RNF43: variants seen among roughly 807,000 people sequenced by gnomAD.
The protein encoded by RNF43 is E3 ubiquitin-protein ligase RNF43.
RNF43 carries 37 observed loss-of-function variants against 78.4 expected under a neutral mutation model. The ratio of observed to expected loss-of-function variants is 0.47; its 90% confidence interval spans 0.36 to 0.62. RNF43 has a LOEUF of 0.62. RNF43 is among the 20% of genes least tolerant of loss of function. The pLI is 0.00. For missense variants in RNF43, 774 were observed against 1,007.9 expected (o/e 0.77, Z 3.14); for synonymous variants, 347 against 395.0 (o/e 0.88, Z 1.44).
At chr17:58,363,679 A>G (rs1972891129) in intron 3 of RNF43, 79 bp from the exon 4 acceptor site, 2 of 1,188,894 alleles carry the variant, frequency 1.7e-6, no homozygotes, top group Non-Finnish European at 2.4e-6. Flanking sequence ...CACCCCTCAC[A>G]CATCTATCCC....
chr17:58,386,737 A>T (rs1973445888), intron 2 of RNF43, among the ~76,000 whole-genome samples: 1 of 152,212 alleles, frequency 6.6e-6, no homozygotes, highest in Non-Finnish European at 1.5e-5. Flanking sequence ...TTCCATGAAG[A>T]ATCTCTTCTT....
At chr17:58,381,953 T>C (rs1365466743) in intron 2 of RNF43, among the ~76,000 whole-genome samples, 2 of 152,176 alleles carry the variant, frequency 1.3e-5, no homozygotes, top group East Asian at 3.8e-4. Context: ...ATCCAAAGAC[T>C]GTGAGAACTC....
chr17:58,415,830 C>T lies in RNF43; in HGVS notation c.-253G>A. The T allele has an allele frequency of 1.8e-6, 1 of 549,234 alleles. No individual in the cohort carries two copies. The highest frequency in any genetic ancestry group is 3.3e-6 in the Non-Finnish European group (1 of 306,072). 34.0% of individuals were successfully genotyped at this position (549,234 alleles called of 1,614,324 possible). ...GGTATGTCATTTTCTCCCATCTTCACTGTGACTAGTAAAGATCTCACCACT... is the reference window on the plus strand; with the variant it reads ...GGTATGTCATTTTCTCCCATCTTCATTGTGACTAGTAAAGATCTCACCACT... On this transcript the variant is annotated 5_prime_UTR_variant, in exon 2 of 10. It adds an upstream start codon to the 5' untranslated region. Coordinates refer to ENST00000407977, the MANE Select transcript of RNF43 (RefSeq NM_017763.6).
chr17:58,384,972 T>G (rs1973400980), intron 2 of RNF43, among the ~76,000 whole-genome samples: 1 of 152,210 alleles, frequency 6.6e-6, no homozygotes. Flanking sequence ...TGTCAGTTGT[T>G]TCCTAAGAAA....
intron 2 of RNF43, among the ~76,000 whole-genome samples, chr17:58,383,682 A>C (rs1363010361): frequency 2.0e-5 from 3 of 151,748 alleles, no homozygotes; most frequent in Non-Finnish European, 2.9e-5. Flanking sequence ...CAATGGCGTG[A>C]TCTCGGCTCA....
At chr17:58,408,887 G>A (rs1176178037) in intron 2 of RNF43, among the ~76,000 whole-genome samples, 1 of 152,116 alleles carries the variant, frequency 6.6e-6, no homozygotes, top group South Asian at 2.1e-4. Flanking sequence ...CAGGGATACA[G>A]CTTTGAACAA....
Position 58,358,290 on chromosome 17 carries a change from T to C in RNF43, c.1486A>G (p.Thr496Ala), listed in dbSNP as rs990151863. 8 of 1,614,068 alleles carry C rather than the reference T, an allele frequency of 5.0e-6. No individual in the cohort carries two copies. The highest frequency in any genetic ancestry group is 3.3e-5 in the South Asian group (3 of 91,076). The change falls in exon 9 of 10, where the codon ACT (threonine) becomes GCT (alanine). Residue 496 changes from threonine (T) to alanine (A), a missense_variant. Physicochemically the swap from Thr to Ala is moderately conservative, Grantham distance 58. Transcript: ENST00000407977. This position sits in a 1 kb window ranked among gnomAD's most constrained non-coding sequence, Gnocchi z 6.2. ...TCACTGCTTAGGGAGCTGCAGAAAG[T>C]AGAACTGCTGCCATGGACCCCCTGT... ...SLQGVHGSSS[T>A]FCSSLSSDFD... is the part of the protein sequence containing the mutation.
At chr17:58,388,256 C>G (rs1169286074) in intron 2 of RNF43, among the ~76,000 whole-genome samples, 1 of 152,180 alleles carries the variant, frequency 6.6e-6, no homozygotes, top group Non-Finnish European at 1.5e-5. Context: ...CTTTCCTAGC[C>G]AAATACCTAA....
chr17:58,406,910 A>G (rs1050276268), intron 2 of RNF43, among the ~76,000 whole-genome samples: 1 of 151,940 alleles, frequency 6.6e-6, no homozygotes, highest in Non-Finnish European at 1.5e-5. Context: ...AGCACGCACA[A>G]AAGTGATAGG....
chr17:58,392,469 A>G lies in RNF43; in HGVS notation c.253-21436T>C, dbSNP rs562884054. Among the ~76,000 whole-genome samples the G allele has an allele frequency of 1.5e-3, 231 of 152,354 alleles. 2 individuals carry two copies. The highest frequency in any genetic ancestry group is 2.4e-3 in the Non-Finnish European group (160 of 68,028). ...AAGTACCTATTGACCTCTGGAATAC[A>G]TATGGAAGGGAAATAAATGGCAGTC... is the stretch of plus-strand genomic sequence containing the variant. On this transcript the variant is annotated intron_variant, in intron 2 of 9. Transcript: ENST00000407977.
chr17:58,358,456 G>A lies in RNF43; in HGVS notation c.1320C>T (p.Pro440=), dbSNP rs751415799. ...TTTCTCCAGATCCACTGCTGTCAGG[G>A]GGCCTGGCCCGGCGTAGGGGCACTG... ...ACPVPLRRAR[P]PDSSGSGESY... is the part of the protein sequence containing the mutation. The change falls in exon 9 of 10, where the codon CCC becomes CCT. Residue 440 remains proline, a synonymous_variant. Coordinates refer to ENST00000407977, the MANE Select transcript of RNF43 (RefSeq NM_017763.6). This position sits in a 1 kb window ranked among gnomAD's most constrained non-coding sequence, Gnocchi z 6.2. 4.3e-6 allele frequency: 7 copies of A among 1,613,878 alleles called. No individual in the cohort carries two copies. The highest frequency in any genetic ancestry group is 5.9e-6 in the Non-Finnish European group (7 of 1,179,978).
chr17:58,372,999 G>T (rs1277960785), intron 2 of RNF43, among the ~76,000 whole-genome samples: 1 of 152,220 alleles, frequency 6.6e-6, no homozygotes, highest in Admixed American at 6.5e-5. Flanking sequence ...CCACAGATTT[G>T]CACTGGAGAC....
chr17:58,409,255 C>T (rs933227561), intron 2 of RNF43, among the ~76,000 whole-genome samples: 2 of 152,252 alleles, frequency 1.3e-5, no homozygotes, highest in African/African-American at 4.8e-5. Context: ...CCTGTTCTTA[C>T]GTGGCTCCAG....
At chr17:58,383,108 T>C (rs1191491744) in intron 2 of RNF43, among the ~76,000 whole-genome samples, 2 of 151,006 alleles carry the variant, frequency 1.3e-5, no homozygotes, top group Non-Finnish European at 3.0e-5. Context: ...TATGAGGACT[T>C]GGCCCAGAGA....
chr17:58,368,181 A>G (rs992069044), intron 3 of RNF43, among the ~76,000 whole-genome samples: 3 of 152,244 alleles, frequency 2.0e-5, no homozygotes, highest in African/African-American at 7.2e-5. Flanking sequence ...TGCAGGGGTC[A>G]GTGGTTTCCA....
At chr17:58,363,190 G>T (rs2143464749) in intron 5 of RNF43, 85 bp downstream of exon 5, 1 of 1,518,032 alleles carries the variant, frequency 6.6e-7, no homozygotes, top group South Asian at 1.2e-5. Flanking sequence ...CGCAGCTCCA[G>T]GAGTCTAAGG....
At chr17:58,393,799 A>G (rs1215309768) in intron 2 of RNF43, among the ~76,000 whole-genome samples, 1 of 152,220 alleles carries the variant, frequency 6.6e-6, no homozygotes, top group Non-Finnish European at 1.5e-5. Context: ...TCACGCCTGT[A>G]ATCCCAGCAC....
At chr17:58,382,693 C>A (rs1391605264) in intron 2 of RNF43, among the ~76,000 whole-genome samples, 1 of 152,210 alleles carries the variant, frequency 6.6e-6, no homozygotes, top group Non-Finnish European at 1.5e-5. Flanking sequence ...AAAGCAACAG[C>A]CTTCTGCCCC....
At chr17:58,363,969 G>T (rs547642219) in intron 3 of RNF43, among the ~76,000 whole-genome samples, 1 of 152,168 alleles carries the variant, frequency 6.6e-6, no homozygotes, top group Non-Finnish European at 1.5e-5. Flanking sequence ...GTATGAGCAC[G>T]AAGAGTAGGA....
Sources: allele counts gnomAD v4.1 joint callset (sites outside exome capture counted in the v4.1 genomes callset), GRCh38; gene constraint gnomAD v4.1.1; non-coding constraint Gnocchi (gnomAD v3.1); transcripts MANE v1.5; gene names NCBI Gene and HGNC (gene_info 2026-07-23, HGNC 2026-07-21).